The following EPB41 variants were observed in gnomAD, a reference collection of about 807,000 sequenced individuals.
EPB41 encodes erythrocyte membrane protein band 4.1.
EPB41 carries 65 observed loss-of-function variants against 108.0 expected under a neutral mutation model. The observed-to-expected ratio is 0.60, with a 90% CI of 0.49 to 0.74. The LOEUF is 0.74. Ranked by LOEUF, EPB41 falls within the 30% of genes least tolerant of loss-of-function variation. The pLI is 0.00. For missense variants in EPB41, 875 were observed against 1,037.0 expected, an observed-to-expected ratio of 0.84 and a Z score of 2.15; for synonymous variants, 336 against 358.9, an observed-to-expected ratio of 0.94 and a Z score of 0.72.
intron 17 of EPB41, among the ~76,000 whole-genome samples, chr1:29,108,028 CAA>C (rs1174568864): frequency 6.8e-5 from 3 of 44,330 alleles, no homozygotes; most frequent in Non-Finnish European, 9.5e-5. Flanking sequence ...GACTCCATCT[CAA>C]AAAAAAAAAA....
rs373567645 is a variant in EPB41, at chr1:28,968,354, A to AAAAC, written c.-7-19053_-7-19050dup. Among the ~76,000 whole-genome samples, 264 of 152,114 alleles carry AAAAC rather than the reference A, an allele frequency of 1.7e-3. 1 individual carries two copies. Among genetic ancestry groups the AAAAC allele is most frequent in the African/African-American group, 4.6e-3 (193 of 41,518 alleles). On this transcript the variant is annotated intron_variant, in intron 1 of 20. Coordinates refer to ENST00000343067, the MANE Select transcript of EPB41 (RefSeq NM_001376013.1). ...TAGCGATAGAGCAAGACTCCATCTC[A>AAAAC]AAACAAACAAACAAACAAACAAACA...
At chr1:28,973,536 T>G (rs1410186285) in intron 1 of EPB41, among the ~76,000 whole-genome samples, 2 of 152,078 alleles carry the variant, frequency 1.3e-5, no homozygotes, top group East Asian at 3.9e-4. Flanking sequence ...ACTACAGGCA[T>G]GCACCACCAT....
chr1:29,038,528 T>A (rs575795035), intron 10 of EPB41, among the ~76,000 whole-genome samples: 1 of 152,218 alleles, frequency 6.6e-6, no homozygotes, highest in Non-Finnish European at 1.5e-5. Flanking sequence ...TTGGTAGTAT[T>A]TGATGTAGTA....
chr1:29,050,067 C>T (rs1459843448), intron 11 of EPB41, among the ~76,000 whole-genome samples: 1 of 152,292 alleles, frequency 6.6e-6, no homozygotes, highest in African/African-American at 2.4e-5. Flanking sequence ...TTAATATCTT[C>T]CATATTTTAC....
At chr1:29,048,544 T>A (rs909238259) in intron 11 of EPB41, among the ~76,000 whole-genome samples, 11 of 152,118 alleles carry the variant, frequency 7.2e-5, no homozygotes, top group Non-Finnish European at 2.9e-5. Flanking sequence ...TGAGCTTTTT[T>A]AAAAAAAATT....
chr1:29,106,466 T>A (rs187455848), intron 17 of EPB41, among the ~76,000 whole-genome samples: 1 of 151,986 alleles, frequency 6.6e-6, no homozygotes, highest in East Asian at 1.9e-4. Flanking sequence ...TTTATTTATT[T>A]ATTTTTTTGA....
At chr1:29,107,592 G>A (rs898168897) in intron 17 of EPB41, among the ~76,000 whole-genome samples, 8 of 151,932 alleles carry the variant, frequency 5.3e-5, no homozygotes, top group Non-Finnish European at 1.0e-4. Flanking sequence ...GGCTCAAAGA[G>A]CTGTAATCTC....
At chr1:29,097,451 C>T (rs1283844848) in intron 16 of EPB41, 3 of 333,528 alleles carry the variant, frequency 9.0e-6, no homozygotes, top group Non-Finnish European at 1.7e-5. Flanking sequence ...TATAATGGTA[C>T]AGACACAAGG....
intron 1 of EPB41, among the ~76,000 whole-genome samples, chr1:28,928,515 A>G (rs564792200): frequency 1.3e-5 from 2 of 152,318 alleles, no homozygotes; most frequent in South Asian, 4.1e-4. Context: ...CCTTCCTTTT[A>G]CCATTTACCA....
chr1:28,908,901 G>A (rs1430657984), intron 1 of EPB41, among the ~76,000 whole-genome samples: 1 of 150,894 alleles, frequency 6.6e-6, no homozygotes, highest in Admixed American at 6.6e-5. Flanking sequence ...GGTGGCTCAT[G>A]ACTGTAATCC....
chr1:28,987,326 G>T, intron 1 of EPB41, 105 bp from the exon 2 acceptor site: 1 of 919,526 alleles, frequency 1.1e-6, no homozygotes, highest in Non-Finnish European at 1.7e-6. Flanking sequence ...TCTGTTTGTT[G>T]GCAATTAAAT....
chr1:29,043,020 C>T (rs1339227844), intron 11 of EPB41, among the ~76,000 whole-genome samples: 1 of 152,112 alleles, frequency 6.6e-6, no homozygotes, highest in East Asian at 1.9e-4. Flanking sequence ...ACAATTTTTC[C>T]TATGGGCCAG....
rs542515826 is a variant in EPB41 at position 28,973,544 on chromosome 1, C to T, written c.-7-13887C>T. 8.5e-5 allele frequency among the ~76,000 whole-genome samples: 13 copies of T among 152,204 alleles called. No homozygotes were observed. In the South Asian group the frequency reaches 2.3e-3, roughly 27 times the overall value. ...AGCTATGACTACAGGCATGCACCAC[C>T]ATGCCCGGCTACTTTTTTTATTTTT... On this transcript the variant is annotated intron_variant, in intron 1 of 20. Transcript: ENST00000343067.
At chr1:29,055,930 CA>C (rs35702090) in intron 12 of EPB41, among the ~76,000 whole-genome samples, 22,206 of 58,944 alleles carry the variant, frequency 0.38, 1,688 homozygotes, top group South Asian at 0.51. Flanking sequence ...AAGACTGTCT[CA>C]AAAAAAAAAA....
intron 16 of EPB41, among the ~76,000 whole-genome samples, chr1:29,081,024 C>T (rs1268213867): frequency 1.3e-5 from 2 of 152,150 alleles, no homozygotes; most frequent in Non-Finnish European, 2.9e-5. Context: ...TTCAGCCGAT[C>T]AGCAAGAGAT....
chr1:29,046,283 A>G lies in EPB41; in HGVS notation c.1637-6821A>G, dbSNP rs1643197343. Reference sequence around the variant, plus strand: ...GGGATTACAGGTGCACGCCACCACCATGCCCGGCTAATTTTTTGTATTTTT... The same window carrying G: ...GGGATTACAGGTGCACGCCACCACCGTGCCCGGCTAATTTTTTGTATTTTT... On this transcript the variant is annotated intron_variant, in intron 11 of 20. Coordinates refer to ENST00000343067, the MANE Select transcript of EPB41 (RefSeq NM_001376013.1). Among the ~76,000 whole-genome samples, 4 of 151,814 alleles carry G rather than the reference A, an allele frequency of 2.6e-5. No individual in the cohort carries two copies. The South Asian group carries it at 8.3e-4, about 32-fold the overall frequency.
chr1:29,009,661 C>T (rs2096466358), intron 4 of EPB41, among the ~76,000 whole-genome samples: 3 of 152,136 alleles, frequency 2.0e-5, no homozygotes, highest in South Asian at 4.1e-4. Context: ...CTTCCTTTGC[C>T]TTTGAAAATA....
intron 5 of EPB41, 128 bp from the exon 6 acceptor site, chr1:29,015,564 G>A (rs1302197378): frequency 7.6e-6 from 5 of 658,972 alleles, no homozygotes; most frequent in Non-Finnish European, 1.3e-5. Context: ...ACAAGAGTGA[G>A]ACTCCGTCTC....
chr1:29,024,762 A>G (rs2096698192), intron 7 of EPB41, among the ~76,000 whole-genome samples: 1 of 152,116 alleles, frequency 6.6e-6, no homozygotes, highest in South Asian at 2.1e-4. Flanking sequence ...TGTAAACCCA[A>G]TTAGGTGAAA....
Sources: allele counts gnomAD v4.1 joint callset (sites outside exome capture counted in the v4.1 genomes callset), GRCh38; gene constraint gnomAD v4.1.1; transcripts MANE v1.5; gene names NCBI Gene and HGNC (gene_info 2026-07-23, HGNC 2026-07-21).